The following ZFAT variants were observed in gnomAD, a reference collection of about 807,000 sequenced individuals.
ZFAT encodes the protein zinc finger and AT-hook domain containing.
Under a neutral mutation model 117.7 loss-of-function variants are expected in ZFAT, and 64 were observed. The observed-to-expected ratio is 0.54, with a 90% confidence interval of 0.44 to 0.67. ZFAT has a LOEUF of 0.67. Ranked by LOEUF, ZFAT falls within the 30% of genes least tolerant of loss-of-function variation. ZFAT has a pLI of 0.00. For missense variants in ZFAT, 1,433 were observed against 1,584.5 expected (o/e 0.90, Z 1.62); for synonymous variants, 679 against 615.0 (o/e 1.10, Z -1.54).
intron 3 of ZFAT, among the ~76,000 whole-genome samples, chr8:134,618,375 G>C (rs964944116): frequency 7.9e-5 from 12 of 152,142 alleles, no homozygotes; most frequent in African/African-American, 2.2e-4. Flanking sequence ...GGCTGTCCTG[G>C]TATGTGTGGT....
At chr8:134,655,517 G>T in intron 2 of ZFAT, among the ~76,000 whole-genome samples, 1 of 151,932 alleles carries the variant, frequency 6.6e-6, no homozygotes. Flanking sequence ...GTGTGGTGGC[G>T]GGTGCCTGTA....
At chr8:134,655,093 C>T (rs936306313) in intron 2 of ZFAT, among the ~76,000 whole-genome samples, 3 of 152,166 alleles carry the variant, frequency 2.0e-5, no homozygotes, top group African/African-American at 7.2e-5. Context: ...CATTCAGTTG[C>T]TCCTCCGCCA....
At chr8:134,654,193 G>A (rs554475116) in intron 2 of ZFAT, among the ~76,000 whole-genome samples, 1 of 152,204 alleles carries the variant, frequency 6.6e-6, no homozygotes, top group Non-Finnish European at 1.5e-5. Context: ...TACTTGGGAG[G>A]CTGAGGCAGG....
Position 134,525,414 on chromosome 8 carries a change from GTTTATGTATTGCTCAT to G in ZFAT, c.3116-4429_3116-4414del, listed in dbSNP as rs1237322658. The stretch of plus-strand genomic sequence containing the variant: ...CACTGAGTGTATCTCAGGCTGCTAT[GTTTATGTATTGCTCAT>G]TAGGGTACTCGGGAAGAAATGGAGG... On this transcript the variant is annotated intron_variant, in intron 12 of 15. Transcript: ENST00000377838. 2.0e-5 allele frequency among the ~76,000 whole-genome samples: 3 copies of G among 152,320 alleles called. No individual in the cohort carries two copies. The East Asian group carries it at 5.8e-4, about 29-fold the overall frequency.
chr8:134,620,982 A>G (rs1263278661), intron 3 of ZFAT, among the ~76,000 whole-genome samples: 1 of 152,180 alleles, frequency 6.6e-6, no homozygotes, highest in Non-Finnish European at 1.5e-5. Context: ...TTCTTCATGT[A>G]CATGTGCTAA....
chr8:134,567,115 T>C (rs1824523538), intron 10 of ZFAT, among the ~76,000 whole-genome samples: 1 of 152,176 alleles, frequency 6.6e-6, no homozygotes, highest in African/African-American at 2.4e-5. Flanking sequence ...GAGACTTGAG[T>C]ATCCAACTGC....
the ZFAT span, among the ~76,000 whole-genome samples, chr8:134,815,196 A>G: frequency 6.6e-6 from 1 of 152,228 alleles, no homozygotes; most frequent in Admixed American, 6.5e-5. Flanking sequence ...ATGCTAGTCA[A>G]TTGCCACATG....
At chr8:134,494,372 A>G (rs1475055779) in intron 15 of ZFAT, among the ~76,000 whole-genome samples, 1 of 67,754 alleles carries the variant, frequency 1.5e-5, no homozygotes, top group Non-Finnish European at 3.2e-5. Context: ...CCTGAAGGGC[A>G]GCAGGTGCTC....
At chr8:134,591,493 A>G (rs1826498643) in intron 7 of ZFAT, among the ~76,000 whole-genome samples, 1 of 152,212 alleles carries the variant, frequency 6.6e-6, no homozygotes, top group South Asian at 2.1e-4. Flanking sequence ...GCGATTTCAT[A>G]TCACTCTTTT....
chr8:134,698,019 C>T (rs1308367940), intron 1 of ZFAT, among the ~76,000 whole-genome samples: 9 of 151,374 alleles, frequency 5.9e-5, no homozygotes, highest in Non-Finnish European at 1.2e-4. Flanking sequence ...GTCAGGAACA[C>T]GCAGAAGGAG....
the ZFAT span, among the ~76,000 whole-genome samples, chr8:134,820,293 A>G: frequency 3.6e-3 from 548 of 152,300 alleles, 4 homozygotes; most frequent in African/African-American, 0.013. Context: ...GGAGGTCAGG[A>G]AAGATCCTCA....
chr8:134,520,287 A>G (rs1016513200), intron 13 of ZFAT, among the ~76,000 whole-genome samples: 5 of 152,202 alleles, frequency 3.3e-5, no homozygotes, highest in African/African-American at 4.8e-5. Context: ...AGGATTGTCC[A>G]GATCAAAATG....
intron 14 of ZFAT, among the ~76,000 whole-genome samples, chr8:134,512,046 A>G (rs1819889155): frequency 6.6e-6 from 1 of 152,204 alleles, no homozygotes; most frequent in Non-Finnish European, 1.5e-5. Context: ...CGTGACAAGA[A>G]GTTAGGAGAC....
the ZFAT span, among the ~76,000 whole-genome samples, chr8:134,728,134 T>A: frequency 1.3e-5 from 2 of 151,654 alleles, no homozygotes; most frequent in East Asian, 1.9e-4. Context: ...GATTCCAATA[T>A]TAAATTTTTT....
chr8:134,714,213 GTTC>G (rs1353721911), upstream of ZFAT, among the ~76,000 whole-genome samples: 19 of 148,340 alleles, frequency 1.3e-4, no homozygotes, highest in South Asian at 2.5e-3. Flanking sequence ...GTCTTTGCCT[GTTC>G]TTCTTTTCCT....
intron 10 of ZFAT, among the ~76,000 whole-genome samples, chr8:134,578,503 G>A (rs1381067129): frequency 6.6e-6 from 1 of 152,110 alleles, no homozygotes; most frequent in Non-Finnish European, 1.5e-5. Context: ...GAGATGGGGG[G>A]ATCAAGCAGG....
At chr8:134,518,909 T>C (rs1381046968) in intron 13 of ZFAT, among the ~76,000 whole-genome samples, 1 of 152,172 alleles carries the variant, frequency 6.6e-6, no homozygotes. Flanking sequence ...AGCCCACCTT[T>C]CTCCTACCAA....
chr8:134,694,516 C>T (rs1563769647), intron 1 of ZFAT, among the ~76,000 whole-genome samples: 1 of 152,172 alleles, frequency 6.6e-6, no homozygotes, highest in Non-Finnish European at 1.5e-5. Flanking sequence ...TAAATTATGT[C>T]ATAATAACAG....
the ZFAT span, among the ~76,000 whole-genome samples, chr8:134,831,650 C>T: frequency 1.3e-5 from 2 of 152,180 alleles, no homozygotes; most frequent in African/African-American, 4.8e-5. Context: ...GAAAGCTTCC[C>T]GCGGCCCCCA....
Sources: allele counts gnomAD v4.1 joint callset (sites outside exome capture counted in the v4.1 genomes callset), GRCh38; gene constraint gnomAD v4.1.1; transcripts MANE v1.5; gene names NCBI Gene and HGNC (gene_info 2026-07-23, HGNC 2026-07-21).